Variants in ASXL3 observed in about 807,000 individuals in gnomAD.
ASXL3 encodes ASXL transcriptional regulator 3, also known as putative Polycomb group protein ASXL3.
ASXL3 carries 34 observed loss-of-function variants against 170.6 expected under a neutral mutation model. The ratio of observed to expected loss-of-function variants is 0.20; its 90% CI spans 0.15 to 0.27. ASXL3 has a LOEUF of 0.27. ASXL3 is among the 10% of genes least tolerant of loss of function. ASXL3 has a pLI of 1.00. For synonymous variants in ASXL3, 1,002 were observed against 989.1 expected, an observed-to-expected ratio of 1.01 and a Z score of -0.24; for missense variants, 2,592 against 2,695.3, an observed-to-expected ratio of 0.96 and a Z score of 0.85.
intron 2 of ASXL3, among the ~76,000 whole-genome samples, chr18:33,644,555 T>A (rs903302502): frequency 1.3e-5 from 2 of 151,338 alleles, no homozygotes; most frequent in African/African-American, 4.8e-5. Flanking sequence ...CATGGTGTTA[T>A]TTGTAAAATA....
chr18:33,580,527 C>T (rs1011981694), intron 1 of ASXL3, among the ~76,000 whole-genome samples: 1 of 152,104 alleles, frequency 6.6e-6, no homozygotes, highest in Admixed American at 6.5e-5. Flanking sequence ...CCATATCTGC[C>T]TGCAGAGAAT....
At chr18:33,693,969 A>G (rs1162385692) in intron 8 of ASXL3, among the ~76,000 whole-genome samples, 2 of 152,166 alleles carry the variant, frequency 1.3e-5, no homozygotes, top group Non-Finnish European at 2.9e-5. Context: ...GAAGCAAAGT[A>G]TGTTGATAAA....
intron 1 of ASXL3, among the ~76,000 whole-genome samples, chr18:33,599,662 A>C (rs1328073466): frequency 6.6e-6 from 1 of 152,150 alleles, no homozygotes; most frequent in Non-Finnish European, 1.5e-5. Context: ...CCTTTTTTGC[A>C]GCAGGTTTTT....
chr18:33,634,652 C>T (rs1257355703), intron 2 of ASXL3, among the ~76,000 whole-genome samples: 2 of 152,200 alleles, frequency 1.3e-5, no homozygotes, highest in African/African-American at 2.4e-5. Context: ...TGCCAAATGC[C>T]TTTCCAAATT....
At chr18:33,717,811 A>T (rs543490605) in intron 8 of ASXL3, among the ~76,000 whole-genome samples, 1 of 152,248 alleles carries the variant, frequency 6.6e-6, no homozygotes, top group South Asian at 2.1e-4. Flanking sequence ...TTAAAATAAT[A>T]CCAAATTAAA....
chr18:33,604,246 C>A (rs1242270004), intron 1 of ASXL3, among the ~76,000 whole-genome samples: 20 of 151,878 alleles, frequency 1.3e-4, no homozygotes, highest in Admixed American at 1.3e-3. Flanking sequence ...ATAATAATTA[C>A]CCTGATTTAG....
intron 2 of ASXL3, among the ~76,000 whole-genome samples, chr18:33,608,606 T>A (rs1221396561): frequency 2.6e-5 from 4 of 151,974 alleles, no homozygotes; most frequent in Non-Finnish European, 5.9e-5. Flanking sequence ...ATAAAACAAC[T>A]ATGATGTTGT....
intron 8 of ASXL3, among the ~76,000 whole-genome samples, chr18:33,722,929 A>G (rs552586522): frequency 1.3e-5 from 2 of 152,152 alleles, no homozygotes; most frequent in African/African-American, 4.8e-5. Flanking sequence ...ATTATGCTAA[A>G]TCTATTCTGC....
chr18:33,688,391 T>G (rs188736180), intron 8 of ASXL3, among the ~76,000 whole-genome samples: 1 of 152,360 alleles, frequency 6.6e-6, no homozygotes. Flanking sequence ...ATTTTTAACA[T>G]ATTGGATTGA....
chr18:33,738,391 C>G, intron 10 of ASXL3, 96 bp from the exon 11 acceptor site: 1 of 1,185,106 alleles, frequency 8.4e-7, no homozygotes, highest in Non-Finnish European at 1.2e-6. Flanking sequence ...TAATTTGATG[C>G]ATTTACTTCT....
chr18:33,620,839 A>G (rs1271626110), intron 2 of ASXL3, among the ~76,000 whole-genome samples: 1 of 152,148 alleles, frequency 6.6e-6, no homozygotes, highest in Non-Finnish European at 1.5e-5. Flanking sequence ...AATTTCCCCA[A>G]CAATTTCTAG....
At chr18:33,703,152 A>G (rs1170252073) in intron 8 of ASXL3, among the ~76,000 whole-genome samples, 1 of 152,114 alleles carries the variant, frequency 6.6e-6, no homozygotes, top group Non-Finnish European at 1.5e-5. Flanking sequence ...TAAAGCTACC[A>G]GTCTCCTCTT....
intron 8 of ASXL3, among the ~76,000 whole-genome samples, chr18:33,721,050 T>C (rs1272090018): frequency 6.6e-6 from 1 of 152,116 alleles, no homozygotes; most frequent in Non-Finnish European, 1.5e-5. Context: ...CCCTGAAATA[T>C]GGCTTTCCTG....
rs764986675 is a variant in ASXL3, at chr18:33,671,773, G to C, written c.622G>C (p.Asp208His). The C allele has an allele frequency of 4.2e-5, 68 of 1,609,030 alleles. No homozygotes were observed. The highest frequency in any genetic ancestry group is 3.3e-4 in the Middle Eastern group (2 of 6,048). The change falls in exon 7 of 12, where the codon GAC (aspartate) becomes CAC (histidine). Residue 208 changes from aspartate to histidine, a missense_variant. Coordinates refer to ENST00000269197, the MANE Select transcript of ASXL3 (RefSeq NM_030632.3). ...ATCTGAATCTAAAAATGGTGAAGCAGACAGTTCAGATAAAGAAATGAAACA... is the reference window on the plus strand; with the variant it reads ...ATCTGAATCTAAAAATGGTGAAGCACACAGTTCAGATAAAGAAATGAAACA... ...SGSESKNGEADSSDKEMKHGQ... is the reference protein window; with the variant it reads ...SGSESKNGEAHSSDKEMKHGQ...
chr18:33,587,745 A>G (rs2065046170), intron 1 of ASXL3, among the ~76,000 whole-genome samples: 1 of 151,986 alleles, frequency 6.6e-6, no homozygotes, highest in Non-Finnish European at 1.5e-5. Flanking sequence ...TTGAAGCAGT[A>G]TCCGCTGAAT....
chr18:33,587,261 A>C (rs930142089), intron 1 of ASXL3, among the ~76,000 whole-genome samples: 3 of 152,184 alleles, frequency 2.0e-5, no homozygotes, highest in African/African-American at 7.2e-5. Flanking sequence ...TTTGTTATAC[A>C]CCACACAACC....
intron 7 of ASXL3, among the ~76,000 whole-genome samples, chr18:33,680,141 C>G (rs1000590540): frequency 7.2e-5 from 11 of 151,956 alleles, no homozygotes; most frequent in African/African-American, 2.7e-4. Flanking sequence ...AGTGGCATTT[C>G]AAAAATTTCG....
At chr18:33,646,044 A>G (rs1321791828) in intron 3 of ASXL3, among the ~76,000 whole-genome samples, 1 of 148,212 alleles carries the variant, frequency 6.7e-6, no homozygotes, top group Non-Finnish European at 1.5e-5. Context: ...AAATTTATCC[A>G]AAAAAAAAAT....
In ASXL3 at chr18:33,714,790, A is replaced by G. The variant is rs147329109; in HGVS notation, c.880-17178A>G. 1.1e-3 allele frequency among the ~76,000 whole-genome samples: 171 copies of G among 151,836 alleles called. 1 individual carries two copies. The highest frequency in any genetic ancestry group is 4.0e-3 in the African/African-American group (165 of 41,368). ...CATCTGACACACATGAATTCATACT[A>G]GGGGAAGGACCTGTGCCTGCTCTCC... On this transcript the variant is annotated intron_variant, in intron 8 of 11. Transcript: ENST00000269197.
Sources: gnomAD v4.1 joint callset for allele counts (sites outside exome capture counted in the v4.1 genomes callset) on GRCh38, gnomAD v4.1.1 for gene constraint, MANE v1.5 for transcripts, NCBI Gene and HGNC (gene_info 2026-07-23, HGNC 2026-07-21) for gene names.